Variants in FAM3B observed in about 807,000 individuals in gnomAD.
The protein encoded by FAM3B is protein FAM3B.
In FAM3B, 29 loss-of-function variants were observed where a neutral mutation model predicts 28.4. The observed-to-expected ratio is 1.02, with a 90% CI of 0.76 to 1.39. The LOEUF (loss-of-function observed/expected upper bound fraction) is 1.39, where lower values mean the gene tolerates loss of function less well. Among genes scored for constraint, FAM3B ranks in the 40% most tolerant of loss-of-function variants. The pLI, the probability that FAM3B is intolerant of heterozygous loss-of-function variation, is 0.00. For synonymous variants in FAM3B, 91 were observed against 103.0 expected, an observed-to-expected ratio of 0.88 and a Z score of 0.71; for missense variants, 266 against 293.9, an observed-to-expected ratio of 0.91 and a Z score of 0.69.
At chr21:41,337,238 G>C (rs1384626089) in intron 2 of FAM3B, among the ~76,000 whole-genome samples, 6 of 152,250 alleles carry the variant, frequency 3.9e-5, no homozygotes, top group African/African-American at 1.2e-4. Context: ...GAGAGTGAGA[G>C]AGTGCTTTCT....
At chr21:41,348,890 A>G (rs1033385383) in intron 7 of FAM3B, among the ~76,000 whole-genome samples, 166 bp downstream of exon 7, 5 of 152,198 alleles carry the variant, frequency 3.3e-5, no homozygotes, top group East Asian at 3.9e-4. Flanking sequence ...AACTTCTCCA[A>G]TCTCTTTCAA....
upstream of FAM3B, among the ~76,000 whole-genome samples, chr21:41,315,756 G>C (rs146859366): frequency 1.3e-5 from 2 of 152,140 alleles, no homozygotes; most frequent in African/African-American, 4.8e-5. Context: ...AAGCCACATT[G>C]TCCACAGGAC....
At chr21:41,342,689 T>A (rs1000565673) in intron 3 of FAM3B, among the ~76,000 whole-genome samples, 2 of 152,214 alleles carry the variant, frequency 1.3e-5, no homozygotes, top group African/African-American at 4.8e-5. Flanking sequence ...AAAATCAGCA[T>A]GTCAGTTTTG....
At chr21:41,333,012 A>T (rs1468641603) in intron 2 of FAM3B, among the ~76,000 whole-genome samples, 1 of 147,836 alleles carries the variant, frequency 6.8e-6, no homozygotes, top group Non-Finnish European at 1.5e-5. Flanking sequence ...TATTTTCTTG[A>T]TGTATAATCT....
chr21:41,332,933 T>A (rs1483126912), intron 2 of FAM3B, among the ~76,000 whole-genome samples: 1 of 152,140 alleles, frequency 6.6e-6, no homozygotes, highest in African/African-American at 2.4e-5. Context: ...CCATTTCATA[T>A]ACTTCTATTA....
At chr21:41,322,535 G>C (rs1300362815) in intron 1 of FAM3B, 4 of 709,864 alleles carry the variant, frequency 5.6e-6, no homozygotes, top group Non-Finnish European at 7.9e-6. Context: ...GCAGGAGCGT[G>C]CTCAAATCCA....
chr21:41,338,572 A>G, intron 3 of FAM3B, 71 bp downstream of exon 3: 1 of 1,589,412 alleles, frequency 6.3e-7, no homozygotes, highest in Non-Finnish European at 8.6e-7. Context: ...AGGCTGACCA[A>G]GCAGCAGTTC....
intron 5 of FAM3B, chr21:41,346,035 A>AG (rs2089056982): frequency 6.3e-5 from 17 of 268,182 alleles, no homozygotes; most frequent in South Asian, 2.3e-4. Flanking sequence ...AAAAAAAAAA[A>AG]AGCCAAATAC....
Position 41,345,754 on chromosome 21 carries a change from G to T in FAM3B, c.397+18G>T. 1 of 1,448,378 alleles carries T rather than the reference G, an allele frequency of 6.9e-7. No homozygotes were observed. Among genetic ancestry groups the T allele is most frequent in the South Asian group, 1.2e-5 (1 of 84,156 alleles). The allele number at this position is 1,448,378 out of a possible 1,614,324, so 89.7% of individuals were successfully genotyped here. ...TGAAGGTGGTAAGAAAATTTTTTCT[G>T]TTAAAATTCAAATGAATTTTAAACA... On this transcript the variant is annotated intron_variant, in intron 5 of 7. Transcript: ENST00000357985.
At chr21:41,347,223 T>C (rs963448028) in intron 6 of FAM3B, 123 bp downstream of exon 6, 3 of 780,418 alleles carry the variant, frequency 3.8e-6, no homozygotes, top group Admixed American at 2.1e-5. Context: ...AGTACTTCTC[T>C]AAGGAAAAAG....
intron 1 of FAM3B, among the ~76,000 whole-genome samples, chr21:41,305,547 G>T (rs992402460): frequency 2.0e-5 from 3 of 152,110 alleles, no homozygotes; most frequent in African/African-American, 7.2e-5. Flanking sequence ...TGGAGATATT[G>T]CAGATTTGGT....
At chr21:41,327,491 C>G (rs1451790237) in intron 2 of FAM3B, among the ~76,000 whole-genome samples, 1 of 152,160 alleles carries the variant, frequency 6.6e-6, no homozygotes, top group Non-Finnish European at 1.5e-5. Context: ...GCAAAGAGAC[C>G]CTGCCTTATT....
At chr21:41,354,274 C>G (rs957753881) in intron 7 of FAM3B, among the ~76,000 whole-genome samples, 1 of 152,188 alleles carries the variant, frequency 6.6e-6, no homozygotes, top group African/African-American at 2.4e-5. Context: ...GACCAGCAAT[C>G]CCATTACTGG....
In FAM3B at chr21:41,326,239, T is replaced by G. The variant is rs1212099257; in HGVS notation, c.163+3173T>G. Among the ~76,000 whole-genome samples, 1 of 152,228 alleles carries G rather than the reference T, an allele frequency of 6.6e-6. No individual in the cohort carries two copies. The highest frequency in any genetic ancestry group is 1.5e-5 in the Non-Finnish European group (1 of 68,042). On this transcript the variant is annotated intron_variant, in intron 2 of 7. Coordinates refer to ENST00000357985, the MANE Select transcript of FAM3B (RefSeq NM_058186.4). This position sits in a 1 kb window ranked among gnomAD's most constrained non-coding sequence, Gnocchi z 4.0. ...GAAAGAGCTGTGTTTTCCCAGGAGCTGTGTCCACCCTCCAATCCCACACTG... is the reference window on the plus strand; with the variant it reads ...GAAAGAGCTGTGTTTTCCCAGGAGCGGTGTCCACCCTCCAATCCCACACTG...
At chr21:41,348,223 A>G (rs938173139) in intron 6 of FAM3B, among the ~76,000 whole-genome samples, 2 of 152,190 alleles carry the variant, frequency 1.3e-5, no homozygotes, top group African/African-American at 2.4e-5. Context: ...TCTTTCAGCA[A>G]CTTCTCTCCA....
Position 41,348,706 on chromosome 21 carries a change from C to G in FAM3B, c.600C>G (p.Ser200=), listed in dbSNP as rs201305246. 5 of 1,614,062 alleles carry G rather than the reference C, an allele frequency of 3.1e-6. No homozygotes were observed. In the Admixed American group the frequency reaches 8.3e-5, roughly 27 times the overall value. Residue 200 remains serine, a synonymous_variant, in exon 7 of 8, where the codon TCC becomes TCG. Coordinates refer to ENST00000357985, the MANE Select transcript of FAM3B (RefSeq NM_058186.4). The part of the protein sequence containing the change: ...FIAAKGLELP[S]EIQREKINHS... The stretch of plus-strand genomic sequence containing the variant: ...CAGCAAAAGGCTTGGAACTCCCTTC[C>G]GAAATTCAGAGAGAAAAGGTGAGTG...
At chr21:41,353,688 G>A (rs916341855) in intron 7 of FAM3B, among the ~76,000 whole-genome samples, 1 of 152,196 alleles carries the variant, frequency 6.6e-6, no homozygotes, top group East Asian at 1.9e-4. Flanking sequence ...AAATGTAATG[G>A]CTAACACTAT....
intron 2 of FAM3B, among the ~76,000 whole-genome samples, chr21:41,332,695 T>C (rs1488895876): frequency 6.6e-6 from 1 of 152,236 alleles, no homozygotes; most frequent in East Asian, 1.9e-4. Flanking sequence ...CTTCGTCTCC[T>C]CACATTTATT....
At chr21:41,329,450 G>C (rs1025695302) in intron 2 of FAM3B, among the ~76,000 whole-genome samples, 5 of 152,202 alleles carry the variant, frequency 3.3e-5, no homozygotes, top group Non-Finnish European at 5.9e-5. Flanking sequence ...CAGATTGACT[G>C]TCACAGTATC....
Sources: gnomAD v4.1 joint callset for allele counts (sites outside exome capture counted in the v4.1 genomes callset) on GRCh38, gnomAD v4.1.1 for gene constraint, Gnocchi (gnomAD v3.1) non-coding constraint, MANE v1.5 for transcripts, NCBI Gene and HGNC (gene_info 2026-07-23, HGNC 2026-07-21) for gene names.